RGS16: variants seen among roughly 807,000 people sequenced by gnomAD.
RGS16 encodes regulator of G protein signaling 16.
Under a neutral mutation model 18.1 loss-of-function variants are expected in RGS16, and 12 were observed. The observed-to-expected ratio is 0.66, with a 90% CI of 0.42 to 1.07. The LOEUF (loss-of-function observed/expected upper bound fraction) is 1.07, where lower values mean the gene tolerates loss of function less well. Ranked by LOEUF, RGS16 falls within the 50% of genes least tolerant of loss-of-function variation. The pLI, the probability that RGS16 is intolerant of heterozygous loss-of-function variation, is 0.00. For missense variants in RGS16, 238 were observed against 249.2 expected (o/e 0.95, Z 0.30); for synonymous variants, 88 against 102.0 (o/e 0.86, Z 0.83).
At chr1:182,603,138 C>A in intron 2 of RGS16, 91 bp downstream of exon 2, 1 of 906,670 alleles carries the variant, frequency 1.1e-6, no homozygotes, top group Non-Finnish European at 1.8e-6. Context: ...GTCCACTTAG[C>A]GTGTCCTGGC....
intron 4 of RGS16, among the ~76,000 whole-genome samples, chr1:182,601,536 C>T (rs1461903458): frequency 6.6e-6 from 1 of 152,228 alleles, no homozygotes; most frequent in East Asian, 1.9e-4. Flanking sequence ...TTAGCAAATG[C>T]AGCTGCCATG....
chr1:182,600,882 A>C (rs1479278076), intron 4 of RGS16, among the ~76,000 whole-genome samples: 1 of 152,116 alleles, frequency 6.6e-6, no homozygotes, highest in East Asian at 1.9e-4. Flanking sequence ...TTCTCTACCC[A>C]GTCGCTACAG....
At chr1:182,601,145 G>C (rs1661856743) in intron 4 of RGS16, among the ~76,000 whole-genome samples, 1 of 152,166 alleles carries the variant, frequency 6.6e-6, no homozygotes, top group African/African-American at 2.4e-5. Flanking sequence ...TTCCCTCCCT[G>C]AATTCTTTCT....
At chr1:182,604,075 C>G (rs1557866755) in intron 1 of RGS16, 141 bp downstream of exon 1, 2 of 767,124 alleles carry the variant, frequency 2.6e-6, no homozygotes, top group East Asian at 3.0e-5. Context: ...AATCTGAGCA[C>G]GTGGCATCAA....
In RGS16 at chr1:182,599,914, T is replaced by C. The variant is rs1661830239; in HGVS notation, c.*378A>G. 2 of 219,462 alleles carry C rather than the reference T, an allele frequency of 9.1e-6. No homozygotes were observed. The highest frequency in any genetic ancestry group is 1.6e-4 in the South Asian group (2 of 12,454). The allele number at this position is 219,462 out of a possible 1,614,324, so 13.6% of individuals were successfully genotyped here. On this transcript the variant is annotated 3_prime_UTR_variant, in exon 5 of 5. Coordinates refer to ENST00000367558, the MANE Select transcript of RGS16 (RefSeq NM_002928.4). Reference sequence around the variant, plus strand: ...CAGCTGATCTGGATGTCTTTCCTCCTCTCATTTTCATGGTTCCCTTTATCC... The same window carrying C: ...CAGCTGATCTGGATGTCTTTCCTCCCCTCATTTTCATGGTTCCCTTTATCC...
At chr1:182,603,742 G>C (rs895267413) in intron 1 of RGS16, among the ~76,000 whole-genome samples, 8 of 151,964 alleles carry the variant, frequency 5.3e-5, no homozygotes, top group Non-Finnish European at 1.0e-4. Context: ...AGTAAGGATT[G>C]GAAGCTGTTG....
intron 4 of RGS16, among the ~76,000 whole-genome samples, chr1:182,601,101 C>G (rs769817203): frequency 6.6e-6 from 1 of 152,266 alleles, no homozygotes; most frequent in Non-Finnish European, 1.5e-5. Flanking sequence ...AGGCTCTGGC[C>G]ATTGCATTTG....
chr1:182,603,262 T>G lies in RGS16; in HGVS notation c.122A>C (p.Lys41Thr). Reference protein sequence around the residue: ...ELGCDTGSTGKFEWGSKHSKE... With the variant: ...ELGCDTGSTGTFEWGSKHSKE... ...GCTGTGTTTACTGCCCCACTCGAAC[T>G]TGCCAGTACTCCCAGTATCGCAGCC... The change falls in exon 2 of 5, where the codon AAG (lysine) becomes ACG (threonine). Residue 41 changes from lysine to threonine, a missense_variant. Transcript: ENST00000367558. 6.2e-7 allele frequency: 1 copy of G among 1,614,120 alleles called. No homozygotes were observed. Among genetic ancestry groups the G allele is most frequent in the Non-Finnish European group, 8.5e-7 (1 of 1,179,946 alleles).
intron 4 of RGS16, 88 bp downstream of exon 4, chr1:182,601,878 T>C: frequency 1.3e-6 from 2 of 1,521,218 alleles, no homozygotes; most frequent in Admixed American, 1.7e-5. Flanking sequence ...CCTCTACACC[T>C]AGCCCTTCCT....
Position 182,600,484 on chromosome 1 carries a change from C to G in RGS16, c.417G>C (p.Leu139=). Residue 139 remains leucine (L), a synonymous_variant, in exon 5 of 5, where the codon CTG becomes CTC. Transcript: ENST00000367558. The part of the protein sequence containing the change: ...EVNIDHETHE[L]TRMNLQTATA... Reference sequence around the variant, plus strand: ...TGGCAGTCTGCAGGTTCATCCTCGTCAGCTCGTGGGTCTCATGGTCAATGT... The same window carrying G: ...TGGCAGTCTGCAGGTTCATCCTCGTGAGCTCGTGGGTCTCATGGTCAATGT... 6.2e-7 allele frequency: 1 copy of G among 1,614,016 alleles called. No individual in the cohort carries two copies. The highest frequency in any genetic ancestry group is 8.5e-7 in the Non-Finnish European group (1 of 1,179,966).
chr1:182,604,388 G>A lies in RGS16; in HGVS notation c.-129C>T, dbSNP rs561843849. The A allele has an allele frequency of 3.4e-4, 281 of 829,850 alleles. No individual in the cohort carries two copies. Among genetic ancestry groups the A allele is most frequent in the Non-Finnish European group, 4.4e-4 (244 of 556,570 alleles). The allele number at this position is 829,850 out of a possible 1,614,324, so 51.4% of individuals were successfully genotyped here. ...TGCGGTTGGGTTTAGCAGCCTGCAA[G>A]CGCCCAGACTGAGCGGCCGCTGCTT... On this transcript the variant is annotated 5_prime_UTR_variant, in exon 1 of 5. Coordinates refer to ENST00000367558, the MANE Select transcript of RGS16 (RefSeq NM_002928.4).
intron 4 of RGS16, 47 bp downstream of exon 4, chr1:182,601,919 G>A: frequency 6.2e-7 from 1 of 1,608,744 alleles, no homozygotes; most frequent in Non-Finnish European, 8.5e-7. Context: ...AGAGGGGAAG[G>A]AGCAGGCAGG....
chr1:182,604,153 T>A (rs554104065), intron 1 of RGS16, 63 bp downstream of exon 1: 41 of 1,536,306 alleles, frequency 2.7e-5, no homozygotes, highest in Non-Finnish European at 6.2e-6. Flanking sequence ...TCCCCAGGCC[T>A]GCCGCTCCAC....
Position 182,598,964 on chromosome 1 carries a change from C to CT in RGS16, c.*1327dup, listed in dbSNP as rs1475507120. ...TGATACAATACACTTAAATAATCTC[C>CT]TGGAGGAGCTCATGGTACAGAGAGA... On this transcript the variant is annotated 3_prime_UTR_variant, in exon 5 of 5. Coordinates refer to ENST00000367558, the MANE Select transcript of RGS16 (RefSeq NM_002928.4). 1 of 152,512 alleles carries CT rather than the reference C, an allele frequency of 6.6e-6. No homozygotes were observed. The highest frequency in any genetic ancestry group is 1.9e-4 in the East Asian group (1 of 5,212). 9.4% of individuals were successfully genotyped at this position (152,512 alleles called of 1,614,324 possible).
intron 2 of RGS16, 145 bp from the exon 3 acceptor site, chr1:182,602,629 A>G (rs552332954): frequency 1.4e-6 from 1 of 703,874 alleles, no homozygotes; most frequent in African/African-American, 1.8e-5. Context: ...GACACCTCAA[A>G]CTCTTAGTTG....
rs1370960411 is a variant in RGS16 at position 182,604,218 on chromosome 1, C to A, written c.42G>T (p.Glu14Asp). 1 of 1,551,944 alleles carries A rather than the reference C, an allele frequency of 6.4e-7. No homozygotes were observed. Among genetic ancestry groups the A allele is most frequent in the South Asian group, 1.2e-5 (1 of 84,094 alleles). ...TLAAFPTTCL[E>D]RAKEFKTRLG... ...GCAGTTGGACAACCTCCCCTTACCT[C>A]TCCAGGCAGGTGGTGGGGAAGGCGG... The change falls in exon 1 of 5, where the codon GAG becomes GAT. Residue 14 changes from glutamate to aspartate, a missense_variant and splice_region_variant. Coordinates refer to ENST00000367558, the MANE Select transcript of RGS16 (RefSeq NM_002928.4).
chr1:182,602,311 TTAC>T (rs1661879304), intron 3 of RGS16, 106 bp downstream of exon 3: 2 of 1,062,616 alleles, frequency 1.9e-6, no homozygotes, highest in Non-Finnish European at 1.4e-6. Flanking sequence ...ATTATTATTA[TTAC>T]TACTACTATT....
intron 3 of RGS16, 90 bp from the exon 4 acceptor site, chr1:182,602,222 C>G (rs1461011858): frequency 1.3e-5 from 18 of 1,409,072 alleles, no homozygotes; most frequent in Non-Finnish European, 1.8e-5. Context: ...ATTAATGGCT[C>G]TATTTTTAGA....
Position 182,602,428 on chromosome 1 carries a change from C to T in RGS16, c.212G>A (p.Ser71Asn). The T allele has an allele frequency of 6.2e-7, 1 of 1,613,748 alleles. No individual in the cohort carries two copies. The highest frequency in any genetic ancestry group is 2.2e-5 in the East Asian group (1 of 44,870). ...GWRESFDLLL[S>N]SKNGVAAFHA... ...AAAAGGCTCCTACTCACTTTTACTG[C>T]TCAGCAGCAGGTCGAACGACTCTCT... The change falls in exon 3 of 5, where the codon AGC becomes AAC. Residue 71 changes from serine to asparagine, a missense_variant. Transcript: ENST00000367558.
Sources: gnomAD v4.1 joint callset for allele counts (sites outside exome capture counted in the v4.1 genomes callset) on GRCh38, gnomAD v4.1.1 for gene constraint, MANE v1.5 for transcripts, NCBI Gene and HGNC (gene_info 2026-07-23, HGNC 2026-07-21) for gene names.